SLC8A1: variants seen among roughly 807,000 people sequenced by gnomAD.
SLC8A1 encodes the protein sodium/calcium exchanger 1.
SLC8A1 carries 18 observed loss-of-function variants against 68.3 expected under a neutral mutation model. The ratio of observed to expected loss-of-function variants is 0.26; its 90% CI spans 0.18 to 0.39. SLC8A1 has a LOEUF of 0.39. SLC8A1 is among the 10% of genes least tolerant of loss of function. SLC8A1 has a pLI of 1.00. For missense variants in SLC8A1, 985 were observed against 1,156.7 expected, an observed-to-expected ratio of 0.85 and a Z score of 2.15; for synonymous variants, 475 against 415.5, an observed-to-expected ratio of 1.14 and a Z score of -1.74.
At chr2:40,308,691 G>A (rs2073123564) in intron 2 of SLC8A1, among the ~76,000 whole-genome samples, 1 of 151,992 alleles carries the variant, frequency 6.6e-6, no homozygotes, top group Admixed American at 6.6e-5. Context: ...AAGGTGTATT[G>A]GGCTCGCAGT....
intron 5 of SLC8A1, among the ~76,000 whole-genome samples, chr2:40,164,292 T>C (rs1331671857): frequency 6.6e-6 from 1 of 152,226 alleles, no homozygotes; most frequent in Non-Finnish European, 1.5e-5. Flanking sequence ...TCCAATTTTA[T>C]CAGCTCAACT....
intron 1 of SLC8A1, among the ~76,000 whole-genome samples, chr2:40,464,639 G>A (rs1703553775): frequency 1.3e-5 from 2 of 152,184 alleles, no homozygotes; most frequent in South Asian, 2.1e-4. Flanking sequence ...AGTGGTGTGG[G>A]GTTTGTCACT....
intron 2 of SLC8A1, among the ~76,000 whole-genome samples, chr2:40,374,681 C>T (rs1269260393): frequency 6.6e-6 from 1 of 151,866 alleles, no homozygotes; most frequent in Admixed American, 6.6e-5. Flanking sequence ...CAATAACTTT[C>T]CCAGCCTGGC....
At chr2:40,227,262 T>C (rs200163943) in intron 2 of SLC8A1, among the ~76,000 whole-genome samples, 1 of 12,576 alleles carries the variant, frequency 8.0e-5, no homozygotes, top group African/African-American at 1.9e-4. Context: ...AGGGGACCTA[T>C]CTATCTGTAA....
intron 1 of SLC8A1, among the ~76,000 whole-genome samples, chr2:40,467,153 G>A (rs1252762893): frequency 1.3e-5 from 2 of 152,116 alleles, no homozygotes; most frequent in Non-Finnish European, 2.9e-5. Context: ...TTAGAGCACA[G>A]TGCTTATGAT....
At chr2:40,449,349 C>G (rs533082752) in intron 1 of SLC8A1, among the ~76,000 whole-genome samples, 1 of 152,230 alleles carries the variant, frequency 6.6e-6, no homozygotes, top group East Asian at 1.9e-4. Flanking sequence ...AGATTGAATA[C>G]TAAGAGGAAT....
At chr2:40,256,308 TG>T (rs2063912281) in intron 2 of SLC8A1, among the ~76,000 whole-genome samples, 1 of 152,210 alleles carries the variant, frequency 6.6e-6, no homozygotes, top group Non-Finnish European at 1.5e-5. Flanking sequence ...GACGGCTGCC[TG>T]GATTCTAATG....
intron 1 of SLC8A1, among the ~76,000 whole-genome samples, chr2:40,449,799 A>G (rs1702098025): frequency 6.6e-6 from 1 of 152,216 alleles, no homozygotes; most frequent in African/African-American, 2.4e-5. Context: ...ACACTCTTAC[A>G]TCCTTTGTAG....
intron 6 of SLC8A1, among the ~76,000 whole-genome samples, chr2:40,159,860 G>A (rs1454753988): frequency 6.6e-6 from 1 of 152,154 alleles, no homozygotes; most frequent in Admixed American, 6.6e-5. Flanking sequence ...CCCTGTGGCA[G>A]ACTGGAAAAA....
At chr2:40,154,240 G>T (rs1276311450) in intron 6 of SLC8A1, among the ~76,000 whole-genome samples, 2 of 151,162 alleles carry the variant, frequency 1.3e-5, no homozygotes, top group East Asian at 3.9e-4. Flanking sequence ...TGTCATAGAA[G>T]CCAAATGGTA....
At chr2:40,416,675 T>C (rs1177746107) in intron 2 of SLC8A1, among the ~76,000 whole-genome samples, 1 of 152,112 alleles carries the variant, frequency 6.6e-6, no homozygotes, top group African/African-American at 2.4e-5. Context: ...TGGTCTGGTC[T>C]AGGTAGCGAC....
At chr2:40,188,167 C>T (rs10207018) in intron 2 of SLC8A1, among the ~76,000 whole-genome samples, 18,103 of 152,112 alleles carry the variant, frequency 0.12, 1,180 homozygotes, top group African/African-American at 0.13. Flanking sequence ...TTTAACAAAA[C>T]GATGGCAGAT....
intron 1 of SLC8A1, among the ~76,000 whole-genome samples, chr2:40,445,743 A>C (rs924392557): frequency 6.6e-6 from 1 of 152,184 alleles, no homozygotes; most frequent in African/African-American, 2.4e-5. Context: ...AGTCAGGGGA[A>C]AAGAAGCACT....
At chr2:40,436,264 T>A (rs1699399471) in intron 1 of SLC8A1, among the ~76,000 whole-genome samples, 1 of 152,312 alleles carries the variant, frequency 6.6e-6, no homozygotes, top group East Asian at 1.9e-4. Context: ...AGTAAAGTAA[T>A]GCTCACAGGG....
chr2:40,335,812 G>A (rs1665786017), intron 2 of SLC8A1, among the ~76,000 whole-genome samples: 1 of 152,240 alleles, frequency 6.6e-6, no homozygotes, highest in African/African-American at 2.4e-5. Context: ...CTGGCTCTAT[G>A]TGAATACAGG....
At chr2:40,357,094 C>T (rs1248527358) in intron 2 of SLC8A1, among the ~76,000 whole-genome samples, 1 of 152,170 alleles carries the variant, frequency 6.6e-6, no homozygotes, top group African/African-American at 2.4e-5. Context: ...GTAGGAGGCA[C>T]ATGAAAGAGA....
exon 2 of SLC8A1, chr2:40,429,542 C>A (rs1438916008): frequency 1.2e-6 from 2 of 1,613,782 alleles, no homozygotes; most frequent in East Asian, 2.2e-5. Flanking sequence ...CAAGCGAACA[C>A]AACACAGATG....
At chr2:40,215,747 C>A (rs1196249320) in intron 2 of SLC8A1, among the ~76,000 whole-genome samples, 1 of 151,022 alleles carries the variant, frequency 6.6e-6, no homozygotes, top group African/African-American at 2.4e-5. Context: ...CCTCCTGTAT[C>A]AATGTAGTGT....
At chr2:40,246,866 A>C (rs139252379) in intron 2 of SLC8A1, among the ~76,000 whole-genome samples, 7 of 152,178 alleles carry the variant, frequency 4.6e-5, no homozygotes, top group Admixed American at 3.3e-4. Context: ...GAAAATGGTT[A>C]GATGTGACTA....
Sources: gnomAD v4.1 joint callset for allele counts (sites outside exome capture counted in the v4.1 genomes callset) on GRCh38, gnomAD v4.1.1 for gene constraint, MANE v1.5 for transcripts, NCBI Gene and HGNC (gene_info 2026-07-23, HGNC 2026-07-21) for gene names.